Variants in GALNT18 observed in about 807,000 individuals in gnomAD.
GALNT18 encodes the protein polypeptide N-acetylgalactosaminyltransferase 18, also known as GalNAc-transferase 18.
A neutral mutation model predicts 69.5 loss-of-function variants in GALNT18; 44 were observed. The observed-to-expected ratio is 0.63, with a 90% CI of 0.50 to 0.81. GALNT18 has a LOEUF of 0.81. Ranked by LOEUF, GALNT18 falls within the 40% of genes least tolerant of loss-of-function variation. The pLI is 0.00. For synonymous variants in GALNT18, 364 were observed against 318.2 expected, an observed-to-expected ratio of 1.14 and a Z score of -1.53; for missense variants, 715 against 810.0, an observed-to-expected ratio of 0.88 and a Z score of 1.42.
intron 1 of GALNT18, among the ~76,000 whole-genome samples, chr11:11,526,365 A>G (rs1177114144): frequency 2.0e-5 from 3 of 152,206 alleles, no homozygotes; most frequent in Non-Finnish European, 4.4e-5. Flanking sequence ...TCTTACAAGT[A>G]GACTCCTGGA....
Position 11,435,904 on chromosome 11 carries a change from C to A in GALNT18, c.429-3117G>T, listed in dbSNP as rs1471189917. On this transcript the variant is annotated intron_variant, in intron 2 of 10. Transcript: ENST00000227756. The surrounding 1 kb of genome is among the most constrained non-coding windows in gnomAD (Gnocchi z 4.4). ...GTGCTCAGTTTCTTTACACTGTAATCCCTTCAGGCCAAACGCCCTGACCTC... is the reference window on the plus strand; with the variant it reads ...GTGCTCAGTTTCTTTACACTGTAATACCTTCAGGCCAAACGCCCTGACCTC... Among the ~76,000 whole-genome samples the A allele has an allele frequency of 1.3e-5, 2 of 152,322 alleles. No homozygotes were observed. The highest frequency in any genetic ancestry group is 3.9e-4 in the East Asian group (2 of 5,174).
chr11:11,443,130 C>T (rs1287319627), intron 2 of GALNT18, among the ~76,000 whole-genome samples: 2 of 152,182 alleles, frequency 1.3e-5, no homozygotes, highest in African/African-American at 4.8e-5. Context: ...GAGTCTGAGG[C>T]CGAAGCCGCA....
At position 11,341,606 on chromosome 11, in the gene GALNT18, T is replaced by C. The variant is rs186795785; in HGVS notation, c.1093-602A>G. Among the ~76,000 whole-genome samples, 2 of 152,300 alleles carry C rather than the reference T, an allele frequency of 1.3e-5. No individual in the cohort carries two copies. The highest frequency in any genetic ancestry group is 3.9e-4 in the East Asian group (2 of 5,176). ...TTAGCAACCTTGGTGAATAGGAGAT[T>C]GATCCGAATGCAATTAGATTTTGAA... On this transcript the variant is annotated intron_variant, in intron 6 of 10. Transcript: ENST00000227756. The surrounding 1 kb of genome is among the most constrained non-coding windows in gnomAD (Gnocchi z 6.3).
intron 10 of GALNT18, among the ~76,000 whole-genome samples, chr11:11,281,567 C>T (rs1005388984): frequency 1.3e-5 from 2 of 152,132 alleles, no homozygotes; most frequent in African/African-American, 2.4e-5. Context: ...TGGAGAAACA[C>T]GTCCCGCACA....
chr11:11,283,463 C>T (rs1484793442), intron 10 of GALNT18, among the ~76,000 whole-genome samples: 1 of 152,122 alleles, frequency 6.6e-6, no homozygotes, highest in Admixed American at 6.5e-5. Context: ...CAGGGCCAGC[C>T]ATTGCAGAAT....
rs888826462 is a variant in GALNT18 at position 11,415,279 on chromosome 11, A to G, written c.595+17342T>C. On this transcript the variant is annotated intron_variant, in intron 3 of 10. Coordinates refer to ENST00000227756, the MANE Select transcript of GALNT18 (RefSeq NM_198516.3). This position sits in a 1 kb window ranked among gnomAD's most constrained non-coding sequence, Gnocchi z 4.1. ...CCCTCACAGCAGGACTCAGATTAGT[A>G]TTTGCTTGAATAACTCGGCGAAGTG... 2.6e-5 allele frequency among the ~76,000 whole-genome samples: 4 copies of G among 152,078 alleles called. No homozygotes were observed. The highest frequency in any genetic ancestry group is 4.4e-5 in the Non-Finnish European group (3 of 68,026).
chr11:11,329,113 C>T (rs1408682225), intron 8 of GALNT18, among the ~76,000 whole-genome samples: 2 of 152,130 alleles, frequency 1.3e-5, no homozygotes, highest in Non-Finnish European at 2.9e-5. Context: ...TTGTTTTCTT[C>T]CCTCTAAAAT....
At chr11:11,306,953 C>T (rs977814964) in intron 9 of GALNT18, among the ~76,000 whole-genome samples, 1 of 152,206 alleles carries the variant, frequency 6.6e-6, no homozygotes, top group Non-Finnish European at 1.5e-5. Flanking sequence ...TCTCTTGCTG[C>T]CCTGTGCCTG....
intron 8 of GALNT18, among the ~76,000 whole-genome samples, chr11:11,329,811 G>A (rs533237829): frequency 2.0e-5 from 3 of 152,134 alleles, no homozygotes; most frequent in Admixed American, 6.5e-5. Flanking sequence ...AATCATAGTC[G>A]GACAAGTGAA....
chr11:11,512,986 A>AACACATAC (rs1857194030), intron 1 of GALNT18, among the ~76,000 whole-genome samples: 1 of 152,212 alleles, frequency 6.6e-6, no homozygotes, highest in South Asian at 2.1e-4. Flanking sequence ...GAAAACAGAA[A>AACACATAC]AGGCACTGGA....
In GALNT18 at chr11:11,404,001, G is replaced by C. The variant is rs1854529202; in HGVS notation, c.596-24737C>G. 6.6e-6 allele frequency among the ~76,000 whole-genome samples: 1 copy of C among 152,246 alleles called. No individual in the cohort carries two copies. The highest frequency in any genetic ancestry group is 2.4e-5 in the African/African-American group (1 of 41,466). On this transcript the variant is annotated intron_variant, in intron 3 of 10. Coordinates refer to ENST00000227756, the MANE Select transcript of GALNT18 (RefSeq NM_198516.3). The surrounding 1 kb of genome is among the most constrained non-coding windows in gnomAD (Gnocchi z 4.5). The stretch of plus-strand genomic sequence containing the variant: ...AATTCCTGGCCCCTATTCCAGAGGA[G>C]TCATGTGCAGTGGGCAGGATCCAGG...
intron 6 of GALNT18, among the ~76,000 whole-genome samples, chr11:11,371,318 G>C (rs541100971): frequency 5.9e-5 from 9 of 152,212 alleles, no homozygotes; most frequent in Non-Finnish European, 1.3e-4. Flanking sequence ...CCTGCCTGGT[G>C]GGGTAGGAGA....
chr11:11,297,432 G>T (rs1462736746), intron 9 of GALNT18, among the ~76,000 whole-genome samples: 1 of 152,164 alleles, frequency 6.6e-6, no homozygotes, highest in Non-Finnish European at 1.5e-5. Flanking sequence ...CGCACGGTTG[G>T]TGAGTAGCTG....
chr11:11,446,805 A>G (rs1855663680), intron 2 of GALNT18, among the ~76,000 whole-genome samples: 1 of 152,136 alleles, frequency 6.6e-6, no homozygotes, highest in African/African-American at 2.4e-5. Context: ...AGCCCTTCCC[A>G]TGGATCTCTG....
chr11:11,621,681 T>A lies in GALNT18; in HGVS notation c.-88A>T, dbSNP rs1277615624. 16 of 998,338 alleles carry A rather than the reference T, an allele frequency of 1.6e-5. No individual in the cohort carries two copies. The Admixed American group carries it at 3.3e-4, about 20-fold the overall frequency. The allele number at this position is 998,338 out of a possible 1,614,324, so 61.8% of individuals were successfully genotyped here. ...CCCCGCGCTCGCACCCCGTAGCACG[T>A]CCGGAGCCGCTGGGCACCTCAGCAC... is the stretch of plus-strand genomic sequence containing the variant. On this transcript the variant is annotated 5_prime_UTR_variant, in exon 1 of 11. Transcript: ENST00000227756. This position sits in a 1 kb window ranked among gnomAD's most constrained non-coding sequence, Gnocchi z 9.3.
chr11:11,271,442 A>G (rs1366456739), intron 10 of GALNT18, 152 bp from the exon 11 acceptor site: 4 of 730,518 alleles, frequency 5.5e-6, no homozygotes, highest in East Asian at 2.6e-5. Context: ...AGGCTCCCCT[A>G]TCACTCATAT....
chr11:11,407,437 C>T (rs1381882495), intron 3 of GALNT18, among the ~76,000 whole-genome samples: 8 of 152,230 alleles, frequency 5.3e-5, no homozygotes, highest in East Asian at 1.9e-4. Flanking sequence ...GAGCCACCAC[C>T]GCTGAGACAC....
intron 1 of GALNT18, among the ~76,000 whole-genome samples, chr11:11,493,990 A>G (rs562869788): frequency 2.3e-4 from 35 of 152,288 alleles, no homozygotes; most frequent in African/African-American, 8.4e-4. Flanking sequence ...TCCGAGGAGC[A>G]CACATTACCT....
Position 11,621,407 on chromosome 11 carries a change from T to G in GALNT18, c.187A>C (p.Ile63Leu). 2 of 1,614,114 alleles carry G rather than the reference T, an allele frequency of 1.2e-6. No homozygotes were observed. Among genetic ancestry groups the G allele is most frequent in the Non-Finnish European group, 8.5e-7 (1 of 1,180,014 alleles). Residue 63 changes from isoleucine to leucine, a missense_variant, in exon 1 of 11, where the codon ATT becomes CTT. Coordinates refer to ENST00000227756, the MANE Select transcript of GALNT18 (RefSeq NM_198516.3). The surrounding 1 kb of genome is among the most constrained non-coding windows in gnomAD (Gnocchi z 9.3). ...TTCTCCAGGTGGTCCAGCCGCTCAA[T>G]AATCTTCAGAGTGTCCCCTTTGTCT... is the stretch of plus-strand genomic sequence containing the variant. ...EEDKGDTLKI[I>L]ERLDHLENVI... is the part of the protein sequence containing the mutation.
Sources: allele counts gnomAD v4.1 joint callset (sites outside exome capture counted in the v4.1 genomes callset), GRCh38; gene constraint gnomAD v4.1.1; non-coding constraint Gnocchi (gnomAD v3.1); transcripts MANE v1.5; gene names NCBI Gene and HGNC (gene_info 2026-07-23, HGNC 2026-07-21).